The following COL2A1 variants were observed in gnomAD, a reference collection of about 807,000 sequenced individuals.
COL2A1 encodes collagen type II alpha 1 chain.
In COL2A1, 28 loss-of-function variants were observed where a neutral mutation model predicts 204.5. The ratio of observed to expected loss-of-function variants is 0.14; its 90% CI spans 0.10 to 0.19. The LOEUF is 0.19. COL2A1 is among the 10% of genes least tolerant of loss of function. COL2A1 has a pLI of 1.00. For missense variants in COL2A1, 1,388 were observed against 2,027.5 expected (o/e 0.68, Z 6.06); for synonymous variants, 708 against 718.7 (o/e 0.99, Z 0.24).
rs765554800 is a variant in COL2A1 at position 47,998,038 on chromosome 12, C to T, written c.369G>A (p.Gly123=). Residue 123 remains glycine, a synonymous_variant, in exon 5 of 54, where the codon GGG becomes GGA. Coordinates refer to ENST00000380518, the MANE Select transcript of COL2A1 (RefSeq NM_001844.5). Reference sequence around the variant, plus strand: ...AGATTTCTCCCTCTCTTACCTGAGGCCCAGGAGGTCCTTTGGGTCCTACAA... The same window carrying T: ...AGATTTCTCCCTCTCTTACCTGAGGTCCAGGAGGTCCTTTGGGTCCTACAA... ...KDIVGPKGPP[G]PQGPAGEQGP... The T allele has an allele frequency of 2.5e-6, 4 of 1,614,166 alleles. No individual in the cohort carries two copies. The highest frequency in any genetic ancestry group is 1.1e-5 in the South Asian group (1 of 91,086).
chr12:47,975,419 G>A lies in COL2A1; in HGVS notation c.3784C>T (p.Leu1262Phe), dbSNP rs1938651917. ...CGGATGCTCTCAATCTGGTTGTTGA[G>A]GGACTTGAGTGTGGCATCCACCTCG... is the stretch of plus-strand genomic sequence containing the variant. ...DAEVDATLKS[L>F]NNQIESIRSP... is the part of the protein sequence containing the mutation. Residue 1262 changes from leucine (L) to phenylalanine (F), a missense_variant, in exon 51 of 54, where the codon CTC becomes TTC. Transcript: ENST00000380518. 1 of 1,614,202 alleles carries A rather than the reference G, an allele frequency of 6.2e-7. No individual in the cohort carries two copies. Among genetic ancestry groups the A allele is most frequent in the Non-Finnish European group, 8.5e-7 (1 of 1,180,026 alleles).
intron 21 of COL2A1, 88 bp downstream of exon 21, chr12:47,986,990 G>A (rs1939453859): frequency 1.3e-6 from 2 of 1,581,916 alleles, no homozygotes; most frequent in Non-Finnish European, 1.7e-6. Context: ...CCGCTGTGAG[G>A]CCAGGGCAGG....
In COL2A1 at chr12:47,976,751, C is replaced by T. The variant is rs992454331; in HGVS notation, c.3435+61G>A. 6.6e-7 allele frequency: 1 copy of T among 1,505,616 alleles called. No individual in the cohort carries two copies. The highest frequency in any genetic ancestry group is 1.4e-5 in the African/African-American group (1 of 72,832). The allele number at this position is 1,505,616 out of a possible 1,614,324, so 93.3% of individuals were successfully genotyped here. On this transcript the variant is annotated intron_variant, in intron 48 of 53. Transcript: ENST00000380518. The surrounding 1 kb of genome is among the most constrained non-coding windows in gnomAD (Gnocchi z 4.3). ...CAAGCTGTCCTGGCAGCACAGGGAG[C>T]TCAAGTGGGCTCTGTGTGGCAGGAG...
At chr12:47,983,585 C>T in intron 30 of COL2A1, 98 bp downstream of exon 30, 1 of 1,464,100 alleles carries the variant, frequency 6.8e-7, no homozygotes, top group Non-Finnish European at 9.4e-7. Context: ...TGGCACCCTG[C>T]AAGAGGTGTG....
At chr12:48,004,549 G>T (rs1014462810), upstream of COL2A1, 11 of 479,388 alleles carry the variant, frequency 2.3e-5, 1 homozygote, top group Non-Finnish European at 3.7e-5. Flanking sequence ...CCCAAACCGC[G>T]GGCCGCCCCC....
At position 48,004,350 on chromosome 12, in the gene COL2A1, G is replaced by A. The variant is rs1940376107; in HGVS notation, c.-29C>T. ...TCACCGCGGGGCCTGGCTGAGCCGG[G>A]CCCGGGCGGAGCGCAGCGAAACGGC... On this transcript the variant is annotated 5_prime_UTR_variant, in exon 1 of 54. Coordinates refer to ENST00000380518, the MANE Select transcript of COL2A1 (RefSeq NM_001844.5). 2.8e-6 allele frequency: 4 copies of A among 1,447,352 alleles called. No homozygotes were observed. Among genetic ancestry groups the A allele is most frequent in the Non-Finnish European group, 3.8e-6 (4 of 1,055,514 alleles). 89.7% of individuals were successfully genotyped at this position (1,447,352 alleles called of 1,614,324 possible). A position where few individuals can be genotyped will look rare whatever the true frequency, so the allele number is the denominator to read the frequency against.
Position 47,976,920 on chromosome 12 carries a change from C to T in COL2A1, c.3328-1G>A. The stretch of plus-strand genomic sequence containing the variant: ...TGTCACCTCTGGGGCCTTGAGGACC[C>T]TGGGAACAAGACAGACACCGATTGA... On this transcript the variant is annotated splice_acceptor_variant, in intron 47 of 53. Coordinates refer to ENST00000380518, the MANE Select transcript of COL2A1 (RefSeq NM_001844.5). LOFTEE classifies it high-confidence loss of function. This position sits in a 1 kb window ranked among gnomAD's most constrained non-coding sequence, Gnocchi z 4.3. 6.2e-7 allele frequency: 1 copy of T among 1,601,876 alleles called. No homozygotes were observed.
intron 1 of COL2A1, among the ~76,000 whole-genome samples, chr12:48,003,329 G>GCA (rs144822022): frequency 1.2e-4 from 18 of 150,264 alleles, no homozygotes; most frequent in Admixed American, 2.0e-4. Flanking sequence ...ACACACACAC[G>GCA]CACACACACA....
chr12:47,985,796 G>C lies in COL2A1; in HGVS notation c.1612C>G (p.Leu538Val). 6.2e-7 allele frequency: 1 copy of C among 1,613,162 alleles called. No homozygotes were observed. The highest frequency in any genetic ancestry group is 8.5e-7 in the Non-Finnish European group (1 of 1,179,636). ...GAPGERGPSG[L>V]AGPKGANGDP... ...CCGTTGGCTCCCTTGGGGCCAGCAAGACCACTGGGCCCTCGCTCTCCAGGG... is the reference window on the plus strand; with the variant it reads ...CCGTTGGCTCCCTTGGGGCCAGCAACACCACTGGGCCCTCGCTCTCCAGGG... Residue 538 changes from leucine to valine, a missense_variant, in exon 25 of 54, where the codon CTT becomes GTT. Transcript: ENST00000380518.
rs1290854640 is a variant in COL2A1, at chr12:47,987,403, AG to A, written c.1222-91del. ...GGATCCAGATCCAGGGACCTGGCAT[AG>A]GTGCTGTCCATTTCAGGGACATTCC... is the stretch of plus-strand genomic sequence containing the variant. On this transcript the variant is annotated intron_variant, in intron 19 of 53. Coordinates refer to ENST00000380518, the MANE Select transcript of COL2A1 (RefSeq NM_001844.5). The surrounding 1 kb of genome is among the most constrained non-coding windows in gnomAD (Gnocchi z 4.1). 1 of 1,384,560 alleles carries A rather than the reference AG, an allele frequency of 7.2e-7. No homozygotes were observed. Among genetic ancestry groups the A allele is most frequent in the African/African-American group, 1.4e-5 (1 of 70,538 alleles). The allele number at this position is 1,384,560 out of a possible 1,614,324, so 85.8% of individuals were successfully genotyped here.
At position 47,994,040 on chromosome 12, in the gene COL2A1, C is replaced by T. The variant is rs761317829; in HGVS notation, c.824G>A (p.Arg275His). 9.3e-6 allele frequency: 15 copies of T among 1,613,920 alleles called. No homozygotes were observed. Among genetic ancestry groups the T allele is most frequent in the Middle Eastern group, 1.6e-4 (1 of 6,082 alleles). The change falls in exon 13 of 54, where the codon CGT becomes CAT. Residue 275 changes from arginine (R) to histidine (H), a missense_variant. Coordinates refer to ENST00000380518, the MANE Select transcript of COL2A1 (RefSeq NM_001844.5). ...ERGPPGPQGA[R>H]GFPGTPGLPG... ...AAGGCCTGGGGTTCCTGGGAAACCA[C>T]GAGCACCCTGCAATCCAAAGTGGAG... is the stretch of plus-strand genomic sequence containing the variant.
At position 47,977,645 on chromosome 12, in the gene COL2A1, G is replaced by A. The variant is rs367982631; in HGVS notation, c.3120C>T (p.Pro1040=). The change falls in exon 45 of 54, where the codon CCC becomes CCT. Residue 1040 remains proline, a synonymous_variant. Coordinates refer to ENST00000380518, the MANE Select transcript of COL2A1 (RefSeq NM_001844.5). ...PAGEPGREGS[P]GADGPPGRDG... Reference sequence around the variant, plus strand: ...CTCTGCCAGGGGGGCCATCAGCACCGGGGCTTCCCTGGACAAAGTGAAACA... The same window carrying A: ...CTCTGCCAGGGGGGCCATCAGCACCAGGGCTTCCCTGGACAAAGTGAAACA... The A allele has an allele frequency of 3.3e-5, 54 of 1,613,826 alleles. No homozygotes were observed. The highest frequency in any genetic ancestry group is 5.3e-5 in the African/African-American group (4 of 74,852).
intron 3 of COL2A1, 75 bp from the exon 4 acceptor site, chr12:47,998,276 C>T: frequency 4.4e-6 from 7 of 1,600,962 alleles, no homozygotes; most frequent in Non-Finnish European, 6.0e-6. Flanking sequence ...TGCCAGCAGC[C>T]CCTGTGTTGA....
Position 47,987,426 on chromosome 12 carries a change from T to C in COL2A1, c.1222-113A>G, listed in dbSNP as rs972441706. 1.2e-4 allele frequency: 150 copies of C among 1,201,948 alleles called. No homozygotes were observed. In the African/African-American group the frequency reaches 1.9e-3, roughly 16 times the overall value. The allele number at this position is 1,201,948 out of a possible 1,614,324, so 74.5% of individuals were successfully genotyped here. On this transcript the variant is annotated intron_variant, in intron 19 of 53. Transcript: ENST00000380518. The surrounding 1 kb of genome is among the most constrained non-coding windows in gnomAD (Gnocchi z 4.1). ...ATAGGTGCTGTCCATTTCAGGGACA[T>C]TCCCACTATGTGTTTCAAGGGGAAG... is the stretch of plus-strand genomic sequence containing the variant.
chr12:47,978,543 C>T lies in COL2A1; in HGVS notation c.2895+54G>A. 6.2e-7 allele frequency: 1 copy of T among 1,609,924 alleles called. No individual in the cohort carries two copies. Among genetic ancestry groups the T allele is most frequent in the Admixed American group, 1.7e-5 (1 of 59,796 alleles). Reference sequence around the variant, plus strand: ...ACCCCATGCTCTGTGAGCTCAGAAGCCACTCACGACCCTGCTCCCAGGGAC... The same window carrying T: ...ACCCCATGCTCTGTGAGCTCAGAAGTCACTCACGACCCTGCTCCCAGGGAC... On this transcript the variant is annotated intron_variant, in intron 42 of 53. Transcript: ENST00000380518. The surrounding 1 kb of genome is among the most constrained non-coding windows in gnomAD (Gnocchi z 5.5).
chr12:47,995,480 C>A (rs1939911477), intron 10 of COL2A1, among the ~76,000 whole-genome samples, 172 bp from the exon 11 acceptor site: 1 of 152,186 alleles, frequency 6.6e-6, no homozygotes, highest in African/African-American at 2.4e-5. Context: ...ATAGCACAGG[C>A]TGGGGTGACC....
chr12:47,978,339 C>T lies in COL2A1; in HGVS notation c.2955G>A (p.Leu985=), dbSNP rs748064442. 2 of 1,614,052 alleles carry T rather than the reference C, an allele frequency of 1.2e-6. No homozygotes were observed. Among genetic ancestry groups the T allele is most frequent in the South Asian group, 1.1e-5 (1 of 91,088 alleles). ...GLAGQRGIVG[L]PGQRGERGFP... ...ATCCTCTCTCACCACGTTGCCCAGG[C>T]AGACCGACGATGCCTCTCTGACCAG... is the stretch of plus-strand genomic sequence containing the variant. Residue 985 remains leucine (L), a synonymous_variant, in exon 43 of 54, where the codon CTG becomes CTA. Transcript: ENST00000380518. This position sits in a 1 kb window ranked among gnomAD's most constrained non-coding sequence, Gnocchi z 5.5.
At chr12:47,999,227 G>A (rs1162682220) in intron 2 of COL2A1, among the ~76,000 whole-genome samples, 2 of 152,214 alleles carry the variant, frequency 1.3e-5, no homozygotes, top group Non-Finnish European at 2.9e-5. Context: ...GGGGTCACCT[G>A]CACATATATC....
At position 47,993,450 on chromosome 12, in the gene COL2A1, A is replaced by C. The variant is rs759230939; in HGVS notation, c.969+8T>G. The stretch of plus-strand genomic sequence containing the variant: ...TGATAAACCTTCCTGGAGGGTGTCC[A>C]TACTTACCATTGGGCCCGGAGATCC... On this transcript the variant is annotated splice_region_variant and intron_variant, in intron 15 of 53. Coordinates refer to ENST00000380518, the MANE Select transcript of COL2A1 (RefSeq NM_001844.5). The C allele has an allele frequency of 3.2e-5, 51 of 1,609,226 alleles. No homozygotes were observed. Among genetic ancestry groups the C allele is most frequent in the Non-Finnish European group, 3.9e-5 (46 of 1,175,636 alleles).
Sources: gnomAD v4.1 joint callset for allele counts (sites outside exome capture counted in the v4.1 genomes callset) on GRCh38, gnomAD v4.1.1 for gene constraint, Gnocchi (gnomAD v3.1) non-coding constraint, MANE v1.5 for transcripts, NCBI Gene and HGNC (gene_info 2026-07-23, HGNC 2026-07-21) for gene names.